CACNA2D1: variants seen among roughly 807,000 people sequenced by gnomAD.
The protein encoded by CACNA2D1 is voltage-dependent calcium channel subunit alpha-2/delta-1.
CACNA2D1 carries 53 observed loss-of-function variants against 171.5 expected under a neutral mutation model. The observed-to-expected ratio is 0.31, with a 90% CI of 0.25 to 0.39. The LOEUF (loss-of-function observed/expected upper bound fraction) is 0.39, where lower values mean the gene tolerates loss of function less well. CACNA2D1 is among the 10% of genes least tolerant of loss of function. CACNA2D1 has a pLI of 1.00. For missense variants in CACNA2D1, 903 were observed against 1,299.8 expected (o/e 0.69, Z 4.69); for synonymous variants, 442 against 443.1 (o/e 1.00, Z 0.03).
At chr7:82,107,788 T>C (rs1407271489) in intron 6 of CACNA2D1, among the ~76,000 whole-genome samples, 1 of 151,888 alleles carries the variant, frequency 6.6e-6, no homozygotes, top group Non-Finnish European at 1.5e-5. Context: ...TTCACCATGT[T>C]GGCCAGGCTG....
chr7:82,345,681 AGTGTGTGTGTGTGT>A (rs3054696), intron 2 of CACNA2D1, among the ~76,000 whole-genome samples: 72 of 146,442 alleles, frequency 4.9e-4, no homozygotes, highest in African/African-American at 1.7e-3. Context: ...TAGCTAAAGG[AGTGTGTGTGTGTGT>A]GTGTGTGTGT....
intron 18 of CACNA2D1, among the ~76,000 whole-genome samples, chr7:81,997,663 GT>G (rs1798185267): frequency 7.7e-6 from 1 of 130,356 alleles, no homozygotes; most frequent in African/African-American, 3.4e-5. Flanking sequence ...TTTAAAATTT[GT>G]AAAAAAAAAA....
At chr7:82,345,414 T>G (rs1407958252) in intron 2 of CACNA2D1, among the ~76,000 whole-genome samples, 1 of 152,134 alleles carries the variant, frequency 6.6e-6, no homozygotes, top group African/African-American at 2.4e-5. Flanking sequence ...AAAAATAAGC[T>G]TCCAGGAAAA....
At chr7:82,422,489 AT>A (rs1828799696) in intron 1 of CACNA2D1, among the ~76,000 whole-genome samples, 1 of 152,136 alleles carries the variant, frequency 6.6e-6, no homozygotes, top group African/African-American at 2.4e-5. Context: ...CATTGTAACT[AT>A]TATCTGGGAG....
intron 4 of CACNA2D1, among the ~76,000 whole-genome samples, chr7:82,144,923 T>C (rs1792807396): frequency 6.6e-6 from 1 of 151,842 alleles, no homozygotes; most frequent in Non-Finnish European, 1.5e-5. Flanking sequence ...AATGAAATCA[T>C]AATCTGTTCC....
intron 3 of CACNA2D1, among the ~76,000 whole-genome samples, chr7:82,291,413 T>C (rs1382435412): frequency 2.9e-5 from 4 of 135,724 alleles, no homozygotes; most frequent in Non-Finnish European, 4.7e-5. Flanking sequence ...AGATATATAA[T>C]ATCTAGATAT....
At chr7:82,142,426 C>T (rs258719) in intron 4 of CACNA2D1, among the ~76,000 whole-genome samples, 15,794 of 152,146 alleles carry the variant, frequency 0.1, 1,036 homozygotes, top group Middle Eastern at 0.24. Context: ...GTGACAGCCC[C>T]TTGCATGCCA....
chr7:82,167,860 A>T (rs1584981131), intron 4 of CACNA2D1, among the ~76,000 whole-genome samples: 1 of 152,098 alleles, frequency 6.6e-6, no homozygotes, highest in African/African-American at 2.4e-5. Context: ...TTCTTCAAGA[A>T]TTCTCCCACA....
At chr7:82,031,270 A>G (rs947381989) in intron 12 of CACNA2D1, among the ~76,000 whole-genome samples, 7 of 151,934 alleles carry the variant, frequency 4.6e-5, no homozygotes, top group Non-Finnish European at 1.0e-4. Flanking sequence ...AGGTTCAGGG[A>G]CATCTTCCAG....
At chr7:82,018,637 CAT>C (rs1440044747) in intron 12 of CACNA2D1, among the ~76,000 whole-genome samples, 2 of 152,160 alleles carry the variant, frequency 1.3e-5, no homozygotes, top group East Asian at 1.9e-4. Context: ...TGGATTCACA[CAT>C]AGTTATATAA....
At chr7:82,230,861 T>C (rs1802854853) in intron 3 of CACNA2D1, among the ~76,000 whole-genome samples, 1 of 152,190 alleles carries the variant, frequency 6.6e-6, no homozygotes, top group Non-Finnish European at 1.5e-5. Flanking sequence ...AGAAAGAAGC[T>C]TGGATTTTAG....
intron 24 of CACNA2D1, among the ~76,000 whole-genome samples, chr7:81,979,534 CTG>C (rs1796231666): frequency 6.6e-6 from 1 of 152,104 alleles, no homozygotes; most frequent in Non-Finnish European, 1.5e-5. Flanking sequence ...AGGGAAGAAA[CTG>C]TAGACAACAA....
chr7:82,349,749 C>A (rs2129445915), intron 1 of CACNA2D1, 100 bp from the exon 2 acceptor site: 3 of 967,344 alleles, frequency 3.1e-6, no homozygotes, highest in East Asian at 4.8e-5. Context: ...CATTAAAATG[C>A]CCTTAAATTA....
chr7:82,103,283 C>G (rs1391951447), intron 6 of CACNA2D1, among the ~76,000 whole-genome samples: 1 of 152,024 alleles, frequency 6.6e-6, no homozygotes, highest in African/African-American at 2.4e-5. Flanking sequence ...GTGACAGAAC[C>G]AGACTCCATT....
chr7:82,386,622 A>G (rs1486306213), intron 1 of CACNA2D1, among the ~76,000 whole-genome samples: 5 of 151,954 alleles, frequency 3.3e-5, no homozygotes, highest in African/African-American at 1.2e-4. Flanking sequence ...AGTCCCAGCT[A>G]CTCGCAAGGC....
chr7:82,393,269 A>G (rs1825399469), intron 1 of CACNA2D1, among the ~76,000 whole-genome samples: 1 of 152,150 alleles, frequency 6.6e-6, no homozygotes, highest in Non-Finnish European at 1.5e-5. Context: ...AAGTAACAGA[A>G]ATGAATTTCA....
chr7:82,138,737 C>T (rs978698483), intron 4 of CACNA2D1, among the ~76,000 whole-genome samples: 6 of 152,056 alleles, frequency 3.9e-5, no homozygotes, highest in Non-Finnish European at 7.4e-5. Context: ...TGAGCCACCG[C>T]GCCCGACCTT....
At chr7:82,443,253 C>G in intron 1 of CACNA2D1, 112 bp downstream of exon 1, 1 of 1,070,792 alleles carries the variant, frequency 9.3e-7, no homozygotes, top group South Asian at 1.6e-5. Context: ...TCCCCGGCCG[C>G]TCGCTCCCCA....
At chr7:82,351,647 A>C (rs1250557104) in intron 1 of CACNA2D1, among the ~76,000 whole-genome samples, 2 of 152,190 alleles carry the variant, frequency 1.3e-5, no homozygotes, top group African/African-American at 4.8e-5. Context: ...ATAGAGAAAA[A>C]TTGTTATAAT....
Sources: allele counts gnomAD v4.1 joint callset (sites outside exome capture counted in the v4.1 genomes callset), GRCh38; gene constraint gnomAD v4.1.1; transcripts MANE v1.5; gene names NCBI Gene and HGNC (gene_info 2026-07-23, HGNC 2026-07-21).